CSMD1: variants seen among roughly 807,000 people sequenced by gnomAD.
CSMD1 encodes the protein CUB and Sushi multiple domains 1.
A neutral mutation model predicts 417.5 loss-of-function variants in CSMD1; 213 were observed. The ratio of observed to expected loss-of-function variants is 0.51; its 90% CI spans 0.46 to 0.57. The LOEUF is 0.57. Among genes scored for constraint, CSMD1 ranks in the 20% least tolerant of loss-of-function variants. The probability of loss-of-function intolerance (pLI) is 0.00; values close to 1 mark genes in which losing one functional copy is unlikely to be tolerated. For missense variants in CSMD1, 6,923 were observed against 4,529.7 expected (o/e 1.53, Z -15.17); for synonymous variants, 2,862 against 1,736.8 (o/e 1.65, Z -16.11).
At chr8:4,335,734 T>A (rs56261883) in intron 3 of CSMD1, among the ~76,000 whole-genome samples, 5 of 152,010 alleles carry the variant, frequency 3.3e-5, no homozygotes, top group African/African-American at 9.7e-5. Flanking sequence ...TGTACCTTAA[T>A]AGGGCTCACG....
At chr8:4,756,038 T>TA (rs1438203285) in intron 1 of CSMD1, among the ~76,000 whole-genome samples, 1 of 152,234 alleles carries the variant, frequency 6.6e-6, no homozygotes, top group Non-Finnish European at 1.5e-5. Context: ...AGTTCACAAA[T>TA]ACAAATGCTA....
chr8:4,545,880 T>C (rs1032525363), intron 2 of CSMD1, among the ~76,000 whole-genome samples: 6 of 152,190 alleles, frequency 3.9e-5, no homozygotes, highest in Admixed American at 2.6e-4. Context: ...CTATCCCCTA[T>C]ATTTTACATT....
chr8:4,505,612 A>C (rs920789293), intron 2 of CSMD1, among the ~76,000 whole-genome samples: 1 of 152,196 alleles, frequency 6.6e-6, no homozygotes, highest in East Asian at 1.9e-4. Flanking sequence ...CTTTTCAGAG[A>C]GAAGTTTCTT....
rs563926060 is a variant in CSMD1 at position 4,854,705 on chromosome 8, C to T, written c.85+139627G>A. Among the ~76,000 whole-genome samples the T allele has an allele frequency of 1.8e-4, 27 of 152,274 alleles. No individual in the cohort carries two copies. In the South Asian group the frequency reaches 4.1e-3, roughly 23 times the overall value. On this transcript the variant is annotated intron_variant, in intron 1 of 69. Coordinates refer to ENST00000635120, the MANE Select transcript of CSMD1 (RefSeq NM_033225.6). ...CCACCCGAATACTGCCCTTTTCCGACGGGCTTAAAAAACGGTGCACCACGA... is the reference window on the plus strand; with the variant it reads ...CCACCCGAATACTGCCCTTTTCCGATGGGCTTAAAAAACGGTGCACCACGA...
chr8:3,971,999 C>G (rs1211444621), intron 5 of CSMD1, among the ~76,000 whole-genome samples: 4 of 152,008 alleles, frequency 2.6e-5, no homozygotes, highest in African/African-American at 4.8e-5. Flanking sequence ...CTTGACCTCC[C>G]AGGCTCAAGT....
intron 37 of CSMD1, among the ~76,000 whole-genome samples, chr8:3,171,476 A>G (rs1413501366): frequency 6.6e-6 from 1 of 152,188 alleles, no homozygotes; most frequent in African/African-American, 2.4e-5. Flanking sequence ...GACAGGACTG[A>G]GGTTTTCATA....
intron 3 of CSMD1, among the ~76,000 whole-genome samples, chr8:4,035,523 G>T (rs528795010): frequency 6.6e-6 from 1 of 151,412 alleles, no homozygotes; most frequent in South Asian, 2.1e-4. Flanking sequence ...CTTCTGGTGG[G>T]ACAAGACGTC....
chr8:4,389,063 C>T (rs569447878), intron 3 of CSMD1, among the ~76,000 whole-genome samples: 6 of 152,286 alleles, frequency 3.9e-5, no homozygotes, highest in South Asian at 2.1e-4. Context: ...TTTACATTTG[C>T]TTTTCTCTTA....
chr8:3,204,541 C>G (rs543847160), intron 31 of CSMD1, among the ~76,000 whole-genome samples: 1 of 152,110 alleles, frequency 6.6e-6, no homozygotes, highest in Non-Finnish European at 1.5e-5. Context: ...ACAAAGGGAA[C>G]AGCAAGGTTT....
chr8:3,391,072 C>T (rs1051236942), intron 17 of CSMD1, among the ~76,000 whole-genome samples: 8 of 152,180 alleles, frequency 5.3e-5, no homozygotes, highest in African/African-American at 1.9e-4. Context: ...TGTTAGCATG[C>T]ATGGGCATGT....
chr8:2,977,045 G>GT lies in CSMD1; in HGVS notation c.8566+1566dup, dbSNP rs200798857. ...AAGCCAATTACTATCAGGATATGAG[G>GT]TTTTTTTAAAAAAAAAAAGAAAGAA... On this transcript the variant is annotated intron_variant, in intron 55 of 69. Coordinates refer to ENST00000635120, the MANE Select transcript of CSMD1 (RefSeq NM_033225.6). 5.3e-3 allele frequency among the ~76,000 whole-genome samples: 779 copies of GT among 147,966 alleles called. 6 individuals carry two copies. The highest frequency in any genetic ancestry group is 0.018 in the African/African-American group (717 of 39,970).
chr8:4,305,422 G>T (rs961543252), intron 3 of CSMD1, among the ~76,000 whole-genome samples: 7 of 152,120 alleles, frequency 4.6e-5, no homozygotes, highest in African/African-American at 1.7e-4. Context: ...AAGTGAAAGG[G>T]ATAATCGACT....
chr8:4,552,642 G>C (rs1373475564), intron 2 of CSMD1, among the ~76,000 whole-genome samples: 1 of 152,064 alleles, frequency 6.6e-6, no homozygotes. Context: ...AATGAAAGCT[G>C]TTTTCTGAGG....
intron 2 of CSMD1, among the ~76,000 whole-genome samples, chr8:4,492,798 A>G (rs1034612848): frequency 1.3e-4 from 20 of 152,210 alleles, no homozygotes; most frequent in Admixed American, 3.3e-4. Flanking sequence ...CTTGATCCTT[A>G]TTCAGAGCAC....
intron 26 of CSMD1, among the ~76,000 whole-genome samples, chr8:3,265,200 A>G (rs1344018795): frequency 2.0e-5 from 3 of 152,200 alleles, no homozygotes; most frequent in African/African-American, 7.2e-5. Flanking sequence ...AATAAGAATC[A>G]GAAAATAAGC....
rs150430887 is a variant in CSMD1 at position 3,498,652 on chromosome 8, C to T, written c.1345-4926G>A. On this transcript the variant is annotated intron_variant, in intron 10 of 69. Coordinates refer to ENST00000635120, the MANE Select transcript of CSMD1 (RefSeq NM_033225.6). ...CCATAATGGGAATATTTGTCCCCTG[C>T]ATTTTGTTCCACACATTTTGTAGGC... Among the ~76,000 whole-genome samples the T allele has an allele frequency of 9.9e-4, 151 of 152,306 alleles. No individual in the cohort carries two copies. In the South Asian group the frequency reaches 0.016, roughly 16 times the overall value.
chr8:4,319,848 G>C (rs932503051), intron 3 of CSMD1, among the ~76,000 whole-genome samples: 4 of 152,160 alleles, frequency 2.6e-5, no homozygotes, highest in Admixed American at 6.6e-5. Context: ...GAGCTCACCT[G>C]TATATTATGC....
intron 3 of CSMD1, among the ~76,000 whole-genome samples, chr8:4,275,205 T>A (rs891723836): frequency 6.6e-6 from 1 of 152,260 alleles, no homozygotes; most frequent in East Asian, 1.9e-4. Context: ...TAAGATAAAT[T>A]ATTGTCTAGT....
At chr8:4,287,613 A>C (rs1797131372) in intron 3 of CSMD1, among the ~76,000 whole-genome samples, 1 of 151,884 alleles carries the variant, frequency 6.6e-6, no homozygotes, top group Non-Finnish European at 1.5e-5. Context: ...TAAGTACTTT[A>C]CATAACCTTA....
Sources: allele counts gnomAD v4.1 joint callset (sites outside exome capture counted in the v4.1 genomes callset), GRCh38; gene constraint gnomAD v4.1.1; transcripts MANE v1.5; gene names NCBI Gene and HGNC (gene_info 2026-07-23, HGNC 2026-07-21).